Variants in CHD8 observed in about 807,000 individuals in gnomAD.
CHD8 encodes ATP-dependent chromatin remodeler CHD8.
CHD8 carries 31 observed loss-of-function variants against 279.2 expected under a neutral mutation model. The observed-to-expected ratio is 0.11, with a 90% CI of 0.08 to 0.15. CHD8 has a LOEUF of 0.15. Among genes scored for constraint, CHD8 ranks in the 10% least tolerant of loss-of-function variants. CHD8 has a pLI of 1.00. For synonymous variants in CHD8, 1,081 were observed against 1,139.6 expected (o/e 0.95, Z 1.04); for missense variants, 2,146 against 3,230.5 (o/e 0.66, Z 8.14).
Position 21,400,988 on chromosome 14 carries a change from G to C in CHD8, c.4257C>G (p.Phe1419Leu). Residue 1419 changes from phenylalanine to leucine, a missense_variant, in exon 22 of 38, where the codon TTC becomes TTG. Coordinates refer to ENST00000646647, the MANE Select transcript of CHD8 (RefSeq NM_001170629.2). The surrounding 1 kb of genome is among the most constrained non-coding windows in gnomAD (Gnocchi z 4.2). The part of the protein sequence containing the change: ...STLKDDDLVE[F>L]SDLESEDDER... ...CATCATCCTCACTTTCCAAATCAGA[G>C]AATTCCACCAGGTCATCATCTTTCA... 1 of 1,614,048 alleles carries C rather than the reference G, an allele frequency of 6.2e-7. No individual in the cohort carries two copies. Among genetic ancestry groups the C allele is most frequent in the Non-Finnish European group, 8.5e-7 (1 of 1,179,894 alleles).
chr14:21,391,407 C>A, intron 36 of CHD8, 56 bp downstream of exon 36: 1 of 1,511,482 alleles, frequency 6.6e-7, no homozygotes, highest in Non-Finnish European at 9.1e-7. Flanking sequence ...CTTTCTCATG[C>A]AGCTTAAATA....
chr14:21,399,570 C>A (rs372313444), intron 26 of CHD8, 32 bp downstream of exon 26: 1 of 1,456,914 alleles, frequency 6.9e-7, no homozygotes, highest in South Asian at 1.1e-5. Flanking sequence ...AATCTTCAGT[C>A]GGAAAGGAGT....
chr14:21,392,119 T>G, intron 34 of CHD8, 173 bp from the exon 35 acceptor site: 1 of 762,906 alleles, frequency 1.3e-6, no homozygotes, highest in Non-Finnish European at 2.4e-6. Flanking sequence ...ACACACTTTT[T>G]CCTTAGAAAG....
At chr14:21,418,638 A>G (rs558393414) in intron 5 of CHD8, among the ~76,000 whole-genome samples, 1 of 152,166 alleles carries the variant, frequency 6.6e-6, no homozygotes, top group Non-Finnish European at 1.5e-5. Flanking sequence ...ACACGGTGAA[A>G]CCCCGTCTCC....
intron 5 of CHD8, among the ~76,000 whole-genome samples, chr14:21,423,172 T>G (rs909713010): frequency 6.6e-6 from 1 of 152,026 alleles, no homozygotes; most frequent in African/African-American, 2.4e-5. Context: ...GAGCCAAGAT[T>G]GCGCCATTGC....
intron 5 of CHD8, among the ~76,000 whole-genome samples, chr14:21,417,607 C>A (rs1888783973): frequency 1.3e-5 from 2 of 151,900 alleles, no homozygotes; most frequent in Admixed American, 6.6e-5. Context: ...GTAATCCCAG[C>A]ACTTTGGGAG....
chr14:21,437,817 C>A (rs1409709940), intron 1 of CHD8, among the ~76,000 whole-genome samples: 6 of 152,182 alleles, frequency 3.9e-5, no homozygotes, highest in Non-Finnish European at 7.3e-5. Context: ...CCCTTCAATA[C>A]CAATACGGCT....
intron 1 of CHD8, among the ~76,000 whole-genome samples, chr14:21,443,621 G>T (rs565971379): frequency 6.6e-6 from 1 of 151,874 alleles, no homozygotes; most frequent in African/African-American, 2.4e-5. Flanking sequence ...TTGGGAGGCC[G>T]AGGTGGGTGG....
chr14:21,444,976 C>T (rs575598433), intron 1 of CHD8, among the ~76,000 whole-genome samples: 146 of 152,278 alleles, frequency 9.6e-4, no homozygotes, highest in African/African-American at 3.3e-3. Context: ...TTCCCCCATC[C>T]CTATCCCACT....
At chr14:21,451,569 CTCAAAAA>C (rs1890256503) in intron 1 of CHD8, among the ~76,000 whole-genome samples, 2 of 74,502 alleles carry the variant, frequency 2.7e-5, no homozygotes. Flanking sequence ...GAGACTCTGT[CTCAAAAA>C]AAAAAAAAAA....
intron 7 of CHD8, chr14:21,415,304 A>T (rs1293451203): frequency 2.7e-6 from 1 of 374,190 alleles, no homozygotes; most frequent in Non-Finnish European, 4.7e-6. Flanking sequence ...GTGCTCATTA[A>T]ATAAAGCCTG....
At chr14:21,440,527 A>G (rs1303966601) in intron 1 of CHD8, among the ~76,000 whole-genome samples, 1 of 152,158 alleles carries the variant, frequency 6.6e-6, no homozygotes, top group Non-Finnish European at 1.5e-5. Context: ...TTTCTTAAAC[A>G]ATGAGGAAAA....
At chr14:21,440,812 C>G (rs541298758) in intron 1 of CHD8, among the ~76,000 whole-genome samples, 1 of 152,114 alleles carries the variant, frequency 6.6e-6, no homozygotes, top group Non-Finnish European at 1.5e-5. Flanking sequence ...CATGGAATAA[C>G]GTAATCAGAA....
Position 21,399,589 on chromosome 14 carries a change from A to G in CHD8, c.4921+13T>C. 1 of 1,580,472 alleles carries G rather than the reference A, an allele frequency of 6.3e-7. No homozygotes were observed. Among genetic ancestry groups the G allele is most frequent in the Non-Finnish European group, 8.7e-7 (1 of 1,149,302 alleles). On this transcript the variant is annotated intron_variant, in intron 26 of 37. Coordinates refer to ENST00000646647, the MANE Select transcript of CHD8 (RefSeq NM_001170629.2). ...TTCAGTCGGAAAGGAGTAGAATAGG[A>G]GAAGATACGTACCATGTTTAAAGAC...
intron 27 of CHD8, chr14:21,396,622 G>A (rs1887797276): frequency 1.3e-5 from 2 of 151,768 alleles, no homozygotes; most frequent in Admixed American, 1.3e-4. Flanking sequence ...TCCATCACCT[G>A]GAGTGCAGCA....
Position 21,392,567 on chromosome 14 carries a change from GGCTGCC to G in CHD8, c.6705_6710del (p.Ala2236_Ala2237del). ...TGCCTCGGCGAAGTTTGGTGAACTG[GGCTGCC>G]GCTGTGCTGACTGCAGATGCTTCCT... is the stretch of plus-strand genomic sequence containing the variant. On this transcript the variant is annotated inframe_deletion, in exon 34 of 38. Transcript: ENST00000646647. The G allele has an allele frequency of 6.2e-7, 1 of 1,613,558 alleles. No individual in the cohort carries two copies. The highest frequency in any genetic ancestry group is 8.5e-7 in the Non-Finnish European group (1 of 1,179,890).
rs1428398700 is a variant in CHD8, at chr14:21,401,031, G to A, written c.4214C>T (p.Thr1405Met). The change falls in exon 22 of 38, where the codon ACG becomes ATG. Residue 1405 changes from threonine (T) to methionine (M), a missense_variant. Thr to Met is a moderately conservative substitution (Grantham distance 81, BLOSUM62 -1). Coordinates refer to ENST00000646647, the MANE Select transcript of CHD8 (RefSeq NM_001170629.2). ...VIDTPRVRKQ[T>M]RHFSTLKDDD... The stretch of plus-strand genomic sequence containing the variant: ...ATCTTTCAGAGTGCTAAAGTGGCGC[G>A]TTTGTTTTCGTACTCTAGGTGTGTC... The A allele has an allele frequency of 6.2e-6, 10 of 1,613,104 alleles. No homozygotes were observed. The highest frequency in any genetic ancestry group is 1.3e-5 in the African/African-American group (1 of 74,870).
chr14:21,390,443 T>G (rs1161607374), intron 37 of CHD8, among the ~76,000 whole-genome samples: 1 of 152,170 alleles, frequency 6.6e-6, no homozygotes, highest in African/African-American at 2.4e-5. Flanking sequence ...TGTTATGCTC[T>G]CCTAGAGATG....
chr14:21,423,945 C>A (rs1369876378), intron 5 of CHD8, among the ~76,000 whole-genome samples: 2 of 152,058 alleles, frequency 1.3e-5, no homozygotes, highest in East Asian at 3.9e-4. Context: ...AGAAAAGAAC[C>A]CAAGAAATCT....
Sources: allele counts gnomAD v4.1 joint callset (sites outside exome capture counted in the v4.1 genomes callset), GRCh38; gene constraint gnomAD v4.1.1; non-coding constraint Gnocchi (gnomAD v3.1); transcripts MANE v1.5; gene names NCBI Gene and HGNC (gene_info 2026-07-23, HGNC 2026-07-21).